The following LRRC43 variants were observed in gnomAD, a reference collection of about 807,000 sequenced individuals.
The protein encoded by LRRC43 is leucine rich repeat containing 43, also known as leucine-rich repeat-containing protein 43.
LRRC43 carries 62 observed loss-of-function variants against 64.3 expected under a neutral mutation model. That is an observed-to-expected ratio of 0.96 (90% CI 0.79 to 1.19). LRRC43 has a LOEUF of 1.19. Ranked by LOEUF, LRRC43 falls within the 50% of genes most tolerant of loss-of-function variation. The probability of loss-of-function intolerance (pLI) is 0.00; values close to 1 mark genes in which losing one functional copy is unlikely to be tolerated. For missense variants in LRRC43, 868 were observed against 845.0 expected (o/e 1.03, Z -0.34); for synonymous variants, 422 against 382.3 (o/e 1.10, Z -1.21).
intron 7 of LRRC43, among the ~76,000 whole-genome samples, chr12:122,195,088 T>G (rs1953761592): frequency 6.6e-6 from 1 of 152,174 alleles, no homozygotes; most frequent in Non-Finnish European, 1.5e-5. Flanking sequence ...GTATTCAACT[T>G]CTTTTCATGT....
intron 7 of LRRC43, among the ~76,000 whole-genome samples, chr12:122,197,544 A>G (rs2136057309): frequency 6.6e-6 from 1 of 152,188 alleles, no homozygotes; most frequent in South Asian, 2.1e-4. Context: ...GAGGTTCGTC[A>G]CGTCCGCAAG....
At chr12:122,190,597 T>C (rs989615858) in intron 5 of LRRC43, among the ~76,000 whole-genome samples, 3 of 152,184 alleles carry the variant, frequency 2.0e-5, no homozygotes, top group Admixed American at 1.3e-4. Context: ...GCGCGGTGGC[T>C]AACGCCTGTA....
intron 7 of LRRC43, among the ~76,000 whole-genome samples, chr12:122,195,645 T>A (rs1036150385): frequency 1.1e-4 from 17 of 152,174 alleles, no homozygotes; most frequent in African/African-American, 3.6e-4. Flanking sequence ...CTGTCATGAG[T>A]CATTTTTCTC....
chr12:122,200,868 G>A lies in LRRC43; in HGVS notation c.1743G>A (p.Leu581=). The A allele has an allele frequency of 6.2e-7, 1 of 1,613,024 alleles. No homozygotes were observed. Among genetic ancestry groups the A allele is most frequent in the Non-Finnish European group, 8.5e-7 (1 of 1,179,842 alleles). ...AGCCCCTGCTCGCCGGGGAGCCCCT[G>A]GTGTCCACCGTGTGCAACTTCGGCG... is the stretch of plus-strand genomic sequence containing the variant. ...ILEPLLAGEP[L]VSTVCNFGVV... is the part of the protein sequence containing the mutation. Residue 581 remains leucine (L), a synonymous_variant, in exon 10 of 12, where the codon CTG becomes CTA. Transcript: ENST00000339777. The surrounding 1 kb of genome is among the most constrained non-coding windows in gnomAD (Gnocchi z 4.6).
At chr12:122,178,826 C>A (rs1430314356), upstream of LRRC43, among the ~76,000 whole-genome samples, 1 of 151,902 alleles carries the variant, frequency 6.6e-6, no homozygotes. Context: ...CCAGGCTGGT[C>A]TTGAACTCCT....
chr12:122,203,041 G>A (rs146173728), intron 11 of LRRC43, among the ~76,000 whole-genome samples: 1,525 of 152,168 alleles, frequency 0.01, 21 homozygotes, highest in African/African-American at 0.035. Flanking sequence ...CAGTGAGCCG[G>A]GATCATGCCA....
chr12:122,190,259 C>G lies in LRRC43; in HGVS notation c.792C>G (p.Pro264=), dbSNP rs1953701039. 1 of 1,614,068 alleles carries G rather than the reference C, an allele frequency of 6.2e-7. No homozygotes were observed. Among genetic ancestry groups the G allele is most frequent in the South Asian group, 1.1e-5 (1 of 91,094 alleles). The change falls in exon 5 of 12, where the codon CCC becomes CCG. Residue 264 remains proline, a synonymous_variant. Coordinates refer to ENST00000339777, the MANE Select transcript of LRRC43 (RefSeq NM_001098519.2). ...AGGGAAACCCACTGGCCTTGGTGCC[C>G]TACTACCGCGGCCTCACCATCGACA... is the stretch of plus-strand genomic sequence containing the variant. ...VLQGNPLALV[P]YYRGLTIDSL...
rs1953824156 is a variant in LRRC43 at position 122,200,528 on chromosome 12, CT to C, written c.1492-3del. 1 of 1,614,058 alleles carries C rather than the reference CT, an allele frequency of 6.2e-7. No homozygotes were observed. Among genetic ancestry groups the C allele is most frequent in the East Asian group, 2.2e-5 (1 of 44,864 alleles). On this transcript the variant is annotated splice_polypyrimidine_tract_variant and splice_region_variant and intron_variant, in intron 8 of 11. Transcript: ENST00000339777. This position sits in a 1 kb window ranked among gnomAD's most constrained non-coding sequence, Gnocchi z 4.6. ...CTCACTCGAGGATTCTCTCCTGCCC[CT>C]AGATTCTCTCCTGGCCTGTGGTGCT...
intron 6 of LRRC43, among the ~76,000 whole-genome samples, chr12:122,192,437 C>T (rs953404889): frequency 6.6e-6 from 1 of 152,112 alleles, no homozygotes; most frequent in Non-Finnish European, 1.5e-5. Flanking sequence ...CGCCTAGCCC[C>T]ATTCTGCAAT....
chr12:122,190,933 C>T (rs1953711064), intron 5 of LRRC43, among the ~76,000 whole-genome samples: 2 of 151,810 alleles, frequency 1.3e-5, no homozygotes, highest in Non-Finnish European at 2.9e-5. Context: ...CTCACCACTG[C>T]ACTCTAGCCT....
chr12:122,198,773 G>T (rs1173568978), intron 7 of LRRC43, among the ~76,000 whole-genome samples: 1 of 147,376 alleles, frequency 6.8e-6, no homozygotes, highest in Non-Finnish European at 1.5e-5. Context: ...GGGCTTACAG[G>T]CTCCCGCCAG....
rs374469863 is a variant in LRRC43 at position 122,187,678 on chromosome 12, G to A, written c.523-23G>A. 117 of 1,611,014 alleles carry A rather than the reference G, an allele frequency of 7.3e-5. No individual in the cohort carries two copies. The African/African-American group carries it at 1.2e-3, about 17-fold the overall frequency. ...CGCTGACTTGGGGCCCCATCGTCCCGGGCCTTCCGTGTGGTCTCCCAGGTG... is the reference window on the plus strand; with the variant it reads ...CGCTGACTTGGGGCCCCATCGTCCCAGGCCTTCCGTGTGGTCTCCCAGGTG... On this transcript the variant is annotated intron_variant, in intron 3 of 11. Transcript: ENST00000339777.
At chr12:122,175,041 T>A (rs1953525280) in intron 1 of LRRC43, among the ~76,000 whole-genome samples, 1 of 152,082 alleles carries the variant, frequency 6.6e-6, no homozygotes, top group African/African-American at 2.4e-5. Context: ...GGTTTCGCCA[T>A]GTTGGTCAAG....
intron 6 of LRRC43, among the ~76,000 whole-genome samples, chr12:122,192,157 T>TGA (rs1242298369): frequency 6.7e-6 from 1 of 149,940 alleles, no homozygotes; most frequent in Non-Finnish European, 1.5e-5. Flanking sequence ...TGTGTGTGTG[T>TGA]GATGGAGTCT....
intron 11 of LRRC43, among the ~76,000 whole-genome samples, chr12:122,201,773 C>G (rs114577725): frequency 6.6e-6 from 1 of 152,106 alleles, no homozygotes; most frequent in Non-Finnish European, 1.5e-5. Context: ...CAGGGAGTGC[C>G]GTGGGAGGTG....
At chr12:122,189,355 G>A (rs1953686301) in intron 4 of LRRC43, 2 of 452,044 alleles carry the variant, frequency 4.4e-6, no homozygotes, top group Admixed American at 2.4e-5. Flanking sequence ...AGCAGGGAAG[G>A]GAAGCCCCCT....
At chr12:122,186,983 C>T (rs1953652615) in intron 3 of LRRC43, among the ~76,000 whole-genome samples, 1 of 151,872 alleles carries the variant, frequency 6.6e-6, no homozygotes, top group Admixed American at 6.6e-5. Flanking sequence ...GCCTGAATCC[C>T]AGCACTCTGG....
rs766685549 is a variant in LRRC43 at position 122,191,362 on chromosome 12, G to A, written c.902-18G>A. On this transcript the variant is annotated intron_variant, in intron 5 of 11. Transcript: ENST00000339777. ...TCCATTCCATGGGCCCCCCTGTCCT[G>A]CCCATTCCTCCCTGCAGATCTCTTG... 3.8e-6 allele frequency: 6 copies of A among 1,599,788 alleles called. No homozygotes were observed. The South Asian group carries it at 5.6e-5, about 15-fold the overall frequency.
chr12:122,183,684 C>T (rs765418319), intron 1 of LRRC43, among the ~76,000 whole-genome samples: 1 of 152,166 alleles, frequency 6.6e-6, no homozygotes, highest in Non-Finnish European at 1.5e-5. Flanking sequence ...CAGCCTGAAG[C>T]CTGCGACCTT....
Sources: gnomAD v4.1 joint callset for allele counts (sites outside exome capture counted in the v4.1 genomes callset) on GRCh38, gnomAD v4.1.1 for gene constraint, Gnocchi (gnomAD v3.1) non-coding constraint, MANE v1.5 for transcripts, NCBI Gene and HGNC (gene_info 2026-07-23, HGNC 2026-07-21) for gene names.